CDC16: variants seen among roughly 807,000 people sequenced by gnomAD.
CDC16 encodes the protein cell division cycle protein 16 homolog.
Under a neutral mutation model 87.0 loss-of-function variants are expected in CDC16, and 34 were observed. The observed-to-expected ratio is 0.39, with a 90% confidence interval of 0.30 to 0.52. The LOEUF (loss-of-function observed/expected upper bound fraction) is 0.52, where lower values mean the gene tolerates loss of function less well. Ranked by LOEUF, CDC16 falls within the 20% of genes least tolerant of loss-of-function variation. The pLI, the probability that CDC16 is intolerant of heterozygous loss-of-function variation, is 0.74. For synonymous variants in CDC16, 263 were observed against 260.6 expected (o/e 1.01, Z -0.09); for missense variants, 653 against 751.9 (o/e 0.87, Z 1.54).
intron 3 of CDC16, 53 bp from the exon 4 acceptor site, chr13:114,238,937 T>C (rs2081398259): frequency 1.9e-6 from 3 of 1,566,936 alleles, no homozygotes. Context: ...TCTTTGAAAG[T>C]GAAGATACAT....
Position 114,272,644 on chromosome 13 carries a change from T to C in CDC16, c.*201T>C. ...TGATTCTCTGAACCTACAAAATAGT[T>C]ATACATAGTGGAATAAAGAAGGTAA... On this transcript the variant is annotated 3_prime_UTR_variant, in exon 18 of 18. Coordinates refer to ENST00000356221, the MANE Select transcript of CDC16 (RefSeq NM_001078645.3). 1 of 471,058 alleles carries C rather than the reference T, an allele frequency of 2.1e-6. No homozygotes were observed. Among genetic ancestry groups the C allele is most frequent in the Admixed American group, 3.9e-5 (1 of 25,538 alleles). 29.2% of individuals were successfully genotyped at this position (471,058 alleles called of 1,614,324 possible). A position where few individuals can be genotyped will look rare whatever the true frequency, so the allele number is the denominator to read the frequency against.
chr13:114,241,981 G>A, intron 5 of CDC16, 140 bp from the exon 6 acceptor site: 1 of 916,076 alleles, frequency 1.1e-6, no homozygotes, highest in Non-Finnish European at 1.6e-6. Context: ...GATCATAGGA[G>A]TTCAAGGCTG....
intron 14 of CDC16, among the ~76,000 whole-genome samples, chr13:114,260,138 CCA>C (rs887089086): frequency 3.3e-5 from 5 of 152,138 alleles, no homozygotes; most frequent in African/African-American, 1.2e-4. Context: ...GCACACCTGC[CCA>C]CAGTTTTCTT....
intron 9 of CDC16, among the ~76,000 whole-genome samples, chr13:114,245,271 CTT>C (rs57962178): frequency 2.1e-5 from 3 of 141,938 alleles, no homozygotes; most frequent in African/African-American, 5.1e-5. Context: ...CTCCCCCCCC[CTT>C]TTTTTTTTTT....
Position 114,235,025 on chromosome 13 carries a change from A to C in CDC16, c.-60A>C, listed in dbSNP as rs961868256. On this transcript the variant is annotated 5_prime_UTR_variant, in exon 1 of 18. Coordinates refer to ENST00000356221, the MANE Select transcript of CDC16 (RefSeq NM_001078645.3). The stretch of plus-strand genomic sequence containing the variant: ...GGCACGGGCACGGGGCGGGGTGCTT[A>C]GGGTGCAGGAGGCGCGCGCCTAGCG... 1.4e-5 allele frequency: 17 copies of C among 1,211,270 alleles called. No individual in the cohort carries two copies. Among genetic ancestry groups the C allele is most frequent in the Non-Finnish European group, 1.7e-5 (16 of 964,024 alleles). The allele number at this position is 1,211,270 out of a possible 1,614,324, so 75.0% of individuals were successfully genotyped here.
intron 12 of CDC16, 77 bp from the exon 13 acceptor site, chr13:114,257,001 G>A: frequency 1.1e-6 from 1 of 889,258 alleles, no homozygotes; most frequent in Non-Finnish European, 1.7e-6. Context: ...TTGCAGATAG[G>A]ATTTGAAGTT....
intron 12 of CDC16, among the ~76,000 whole-genome samples, chr13:114,254,127 G>T (rs1175288455): frequency 6.6e-6 from 1 of 151,764 alleles, no homozygotes; most frequent in East Asian, 1.9e-4. Flanking sequence ...GCTCTCTTTT[G>T]TTACTGTTTA....
chr13:114,264,154 T>G (rs1315692025), intron 16 of CDC16: 1 of 152,178 alleles, frequency 6.6e-6, no homozygotes, highest in African/African-American at 2.4e-5. Context: ...ACTGAGTTTG[T>G]CAGAAGTTTG....
intron 17 of CDC16, among the ~76,000 whole-genome samples, chr13:114,267,552 G>A (rs901806862): frequency 6.6e-6 from 1 of 152,106 alleles, no homozygotes; most frequent in African/African-American, 2.4e-5. Context: ...TATATTAACA[G>A]TATTTTACAT....
chr13:114,262,821 C>T, intron 15 of CDC16, 58 bp from the exon 16 acceptor site: 12 of 1,587,278 alleles, frequency 7.6e-6, no homozygotes, highest in East Asian at 2.2e-5. Context: ...GGTTGCTCAT[C>T]TTAGACTTAG....
intron 17 of CDC16, among the ~76,000 whole-genome samples, chr13:114,268,497 C>T (rs1011426327): frequency 2.6e-5 from 4 of 152,190 alleles, no homozygotes; most frequent in African/African-American, 9.7e-5. Flanking sequence ...GTGTTGGTTA[C>T]ACCCTATGCA....
At chr13:114,238,791 T>TA (rs1203454423) in intron 3 of CDC16, among the ~76,000 whole-genome samples, 199 bp from the exon 4 acceptor site, 1 of 152,240 alleles carries the variant, frequency 6.6e-6, no homozygotes, top group Non-Finnish European at 1.5e-5. Flanking sequence ...GGCAGGGCCT[T>TA]ACTGCTTTTG....
intron 17 of CDC16, among the ~76,000 whole-genome samples, chr13:114,269,293 C>T (rs1156621483): frequency 2.0e-5 from 3 of 152,202 alleles, no homozygotes; most frequent in African/African-American, 7.2e-5. Flanking sequence ...TTCAGGACCT[C>T]TTGAAAATTC....
In CDC16 at chr13:114,243,839, AT is replaced by A. The variant is rs766323310; in HGVS notation, c.634-14del. The A allele has an allele frequency of 1.3e-6, 2 of 1,595,850 alleles. No homozygotes were observed. Among genetic ancestry groups the A allele is most frequent in the South Asian group, 2.3e-5 (2 of 88,252 alleles). On this transcript the variant is annotated splice_polypyrimidine_tract_variant and intron_variant, in intron 7 of 17. Coordinates refer to ENST00000356221, the MANE Select transcript of CDC16 (RefSeq NM_001078645.3). ...TTTTGCTCATTGAGTTTATGTTTACATTTCTATGTGTTTCAGTATAATAAGC... is the reference window on the plus strand; with the variant it reads ...TTTTGCTCATTGAGTTTATGTTTACATTCTATGTGTTTCAGTATAATAAGC...
intron 3 of CDC16, among the ~76,000 whole-genome samples, chr13:114,237,251 G>A (rs78442330): frequency 3.3e-5 from 5 of 151,926 alleles, no homozygotes; most frequent in African/African-American, 4.8e-5. Flanking sequence ...TAGGGTTTTA[G>A]GTGTATATTC....
At chr13:114,259,429 A>G in intron 14 of CDC16, 31 bp downstream of exon 14, 1 of 1,259,494 alleles carries the variant, frequency 7.9e-7, no homozygotes, top group Non-Finnish European at 1.1e-6. Context: ...AAATATACAC[A>G]TATACACCCC....
intron 17 of CDC16, among the ~76,000 whole-genome samples, chr13:114,266,752 G>A (rs1318633706): frequency 1.3e-5 from 2 of 151,150 alleles, no homozygotes; most frequent in East Asian, 3.9e-4. Context: ...GGAGTGCAGT[G>A]GCAGGATCTC....
Position 114,262,986 on chromosome 13 carries a change from T to C in CDC16, c.1484T>C (p.Phe495Ser). 1 of 1,614,088 alleles carries C rather than the reference T, an allele frequency of 6.2e-7. No individual in the cohort carries two copies. Among genetic ancestry groups the C allele is most frequent in the Non-Finnish European group, 8.5e-7 (1 of 1,179,896 alleles). ...IGYIHSLMGN[F>S]ENAVDYFHTA... ...TATATCCACAGTCTGATGGGCAACT[T>C]TGAAAATGCTGTGGACTACTTCCAC... The change falls in exon 16 of 18, where the codon TTT (phenylalanine) becomes TCT (serine). Residue 495 changes from phenylalanine (F) to serine (S), a missense_variant. Phe to Ser is a radical substitution (Grantham distance 155). Coordinates refer to ENST00000356221, the MANE Select transcript of CDC16 (RefSeq NM_001078645.3).
At chr13:114,240,626 G>A (rs2081498436) in intron 5 of CDC16, among the ~76,000 whole-genome samples, 2 of 152,116 alleles carry the variant, frequency 1.3e-5, no homozygotes, top group South Asian at 4.1e-4. Context: ...CCAAAGTGTT[G>A]GGATTACAGT....
Sources: allele counts gnomAD v4.1 joint callset (sites outside exome capture counted in the v4.1 genomes callset), GRCh38; gene constraint gnomAD v4.1.1; transcripts MANE v1.5; gene names NCBI Gene and HGNC (gene_info 2026-07-23, HGNC 2026-07-21).